The following HYLS1 variants were observed in gnomAD, a reference collection of about 807,000 sequenced individuals.
HYLS1 encodes centriolar and ciliogenesis-associated protein HYLS1.
In HYLS1, 25 loss-of-function variants were observed where a neutral mutation model predicts 29.4. That is an observed-to-expected ratio of 0.85 (90% CI 0.62 to 1.19). The LOEUF (loss-of-function observed/expected upper bound fraction) is 1.19, where lower values mean the gene tolerates loss of function less well. Ranked by LOEUF, HYLS1 falls within the 50% of genes most tolerant of loss-of-function variation. The pLI is 0.00. For synonymous variants in HYLS1, 128 were observed against 126.7 expected, an observed-to-expected ratio of 1.01 and a Z score of -0.07; for missense variants, 352 against 365.1, an observed-to-expected ratio of 0.96 and a Z score of 0.29.
rs1944332284 is a variant in HYLS1, at chr11:125,887,756, C to G, written c.-85C>G. On this transcript the variant is annotated 5_prime_UTR_variant, in exon 1 of 3. Coordinates refer to ENST00000425380, the MANE Select transcript of HYLS1 (RefSeq NM_001134793.2). ...GGACGCGGTGCAGAGAGCGGACTTC[C>G]GCGACGCGGGTAAGCCGGGCGAAGG... 6.6e-6 allele frequency: 1 copy of G among 152,274 alleles called. No homozygotes were observed. The highest frequency in any genetic ancestry group is 2.1e-4 in the South Asian group (1 of 4,832). The allele number at this position is 152,274 out of a possible 1,614,324, so 9.4% of individuals were successfully genotyped here. A position where few individuals can be genotyped will look rare whatever the true frequency, so the allele number is the denominator to read the frequency against.
chr11:125,886,637 T>C (rs1463485207), upstream of HYLS1, among the ~76,000 whole-genome samples: 1 of 139,728 alleles, frequency 7.2e-6, no homozygotes, highest in Admixed American at 7.3e-5. Context: ...AAACATCGGG[T>C]TTAAAAAAAA....
At chr11:125,894,321 A>G (rs758891622) in intron 2 of HYLS1, 107 of 1,529,122 alleles carry the variant, frequency 7.0e-5, no homozygotes, top group Non-Finnish European at 9.3e-5. Flanking sequence ...TTGAGAATAC[A>G]TAACATCCAT....
upstream of HYLS1, chr11:125,883,920 A>C (rs1447313196): frequency 6.6e-6 from 1 of 152,252 alleles, no homozygotes; most frequent in East Asian, 1.9e-4. Flanking sequence ...AACCAGTTGA[A>C]AGCAATATTT....
At chr11:125,895,473 T>G (rs774649580) in intron 2 of HYLS1, 1 of 1,614,184 alleles carries the variant, frequency 6.2e-7, no homozygotes. Flanking sequence ...AATCACACCG[T>G]TGGCTACATC....
At chr11:125,897,044 G>A (rs181161619) in intron 2 of HYLS1, among the ~76,000 whole-genome samples, 3 of 152,290 alleles carry the variant, frequency 2.0e-5, no homozygotes, top group African/African-American at 4.8e-5. Context: ...CTGATGTAAT[G>A]TAGATGTCAG....
At chr11:125,899,039 C>A in intron 2 of HYLS1, 1 of 273,564 alleles carries the variant, frequency 3.7e-6, no homozygotes, top group Non-Finnish European at 7.0e-6. Flanking sequence ...GTGCATTAAG[C>A]AGTATGCCCC....
chr11:125,900,465 T>C lies in HYLS1; in HGVS notation c.*197T>C, dbSNP rs1944737875. 2 of 588,090 alleles carry C rather than the reference T, an allele frequency of 3.4e-6. No homozygotes were observed. The highest frequency in any genetic ancestry group is 3.1e-6 in the Non-Finnish European group (1 of 324,496). 36.4% of individuals were successfully genotyped at this position (588,090 alleles called of 1,614,324 possible). Reference sequence around the variant, plus strand: ...CCAAATTGCCACTCAAATCCAGCAATTGCAAGATAAATCATATCAGAGAAA... The same window carrying C: ...CCAAATTGCCACTCAAATCCAGCAACTGCAAGATAAATCATATCAGAGAAA... On this transcript the variant is annotated 3_prime_UTR_variant, in exon 3 of 3. Transcript: ENST00000425380.
intron 2 of HYLS1, among the ~76,000 whole-genome samples, chr11:125,892,736 C>A (rs1003854848): frequency 3.9e-5 from 6 of 152,190 alleles, no homozygotes; most frequent in Non-Finnish European, 2.9e-5. Flanking sequence ...TAATTGGTCA[C>A]AGTGCCTCCA....
intron 2 of HYLS1, among the ~76,000 whole-genome samples, chr11:125,891,932 G>T (rs1056048138): frequency 3.9e-5 from 6 of 152,132 alleles, no homozygotes; most frequent in African/African-American, 1.4e-4. Flanking sequence ...ATTAGTTTAT[G>T]ATTTATATAT....
chr11:125,900,214 C>G lies in HYLS1; in HGVS notation c.846C>G (p.Asp282Glu). ...CACTCCGTTGGGGTGTTCGTTGTGA[C>G]CTTGCAAATGGTGTCATACCCAGGA... Reference protein sequence around the residue: ...RSALRWGVRCDLANGVIPRKL... With the variant: ...RSALRWGVRCELANGVIPRKL... The change falls in exon 3 of 3, where the codon GAC becomes GAG. Residue 282 changes from aspartate (D) to glutamate (E), a missense_variant. Coordinates refer to ENST00000425380, the MANE Select transcript of HYLS1 (RefSeq NM_001134793.2). 5.6e-6 allele frequency: 9 copies of G among 1,614,190 alleles called. No homozygotes were observed. Among genetic ancestry groups the G allele is most frequent in the Non-Finnish European group, 6.8e-6 (8 of 1,180,034 alleles).
intron 2 of HYLS1, chr11:125,895,891 G>A (rs199653630): frequency 6.2e-7 from 1 of 1,607,406 alleles, no homozygotes; most frequent in Admixed American, 1.7e-5. Context: ...TTGAGAAACA[G>A]TGTATTGGCC....
intron 2 of HYLS1, chr11:125,895,557 A>C (rs751448230): frequency 2.5e-6 from 4 of 1,614,102 alleles, no homozygotes; most frequent in Non-Finnish European, 3.4e-6. Context: ...TACAATATCT[A>C]AATCAGCACG....
intron 2 of HYLS1, among the ~76,000 whole-genome samples, chr11:125,897,815 T>C (rs1219300838): frequency 6.6e-6 from 1 of 152,210 alleles, no homozygotes; most frequent in Admixed American, 6.5e-5. Flanking sequence ...AAATTGAATA[T>C]ACACATACCT....
At chr11:125,898,176 G>T (rs1944645869) in intron 2 of HYLS1, among the ~76,000 whole-genome samples, 1 of 152,094 alleles carries the variant, frequency 6.6e-6, no homozygotes, top group Admixed American at 6.5e-5. Flanking sequence ...AACTTGGTGG[G>T]GGAGGGAAAA....
At chr11:125,893,542 T>C in intron 2 of HYLS1, 1 of 374,708 alleles carries the variant, frequency 2.7e-6, no homozygotes, top group Non-Finnish European at 4.7e-6. Flanking sequence ...TCCAGGTGTA[T>C]GTAAATACAT....
upstream of HYLS1, chr11:125,887,007 G>T (rs899333795): frequency 2.0e-5 from 3 of 152,252 alleles, no homozygotes; most frequent in African/African-American, 7.3e-5. Flanking sequence ...GTCGGAGCAA[G>T]GCAGTCGGTG....
Position 125,899,747 on chromosome 11 carries a change from G to T in HYLS1, c.379G>T (p.Asp127Tyr). The T allele has an allele frequency of 2.5e-6, 4 of 1,614,212 alleles. No homozygotes were observed. Among genetic ancestry groups the T allele is most frequent in the Non-Finnish European group, 2.5e-6 (3 of 1,180,028 alleles). Residue 127 changes from aspartate (D) to tyrosine (Y), a missense_variant, in exon 3 of 3, where the codon GAT (aspartate) becomes TAT (tyrosine). Asp to Tyr is a radical substitution (Grantham distance 160). Transcript: ENST00000425380. ...ESESGTENDQ[D>Y]LWDLRQRLMN... ...AGAATCTGGTACAGAAAATGATCAG[G>T]ATCTCTGGGACTTAAGACAAAGGCT...
chr11:125,895,709 A>G, intron 2 of HYLS1: 1 of 1,613,904 alleles, frequency 6.2e-7, no homozygotes, highest in Non-Finnish European at 8.5e-7. Flanking sequence ...CTTCAGCAGC[A>G]GCATTAGCCT....
chr11:125,895,982 T>G, intron 2 of HYLS1: 1 of 1,614,224 alleles, frequency 6.2e-7, no homozygotes, highest in African/African-American at 1.3e-5. Flanking sequence ...TTTCTACTAG[T>G]CGAGTCTTGG....
Sources: allele counts gnomAD v4.1 joint callset (sites outside exome capture counted in the v4.1 genomes callset), GRCh38; gene constraint gnomAD v4.1.1; transcripts MANE v1.5; gene names NCBI Gene and HGNC (gene_info 2026-07-23, HGNC 2026-07-21).